UNC93B1: variants seen among roughly 807,000 people sequenced by gnomAD.
UNC93B1 encodes the protein protein unc-93 homolog B1.
In UNC93B1, 33 loss-of-function variants were observed where a neutral mutation model predicts 56.8. That is an observed-to-expected ratio of 0.58 (90% confidence interval 0.44 to 0.78). The LOEUF (loss-of-function observed/expected upper bound fraction) is 0.78, where lower values mean the gene tolerates loss of function less well. Among genes scored for constraint, UNC93B1 ranks in the 30% least tolerant of loss-of-function variants. The pLI is 0.00. For synonymous variants in UNC93B1, 334 were observed against 358.6 expected (o/e 0.93, Z 0.77); for missense variants, 673 against 819.5 (o/e 0.82, Z 2.18).
At chr11:68,000,824 G>A (rs551037794) in intron 3 of UNC93B1, among the ~76,000 whole-genome samples, 2 of 152,300 alleles carry the variant, frequency 1.3e-5, no homozygotes, top group African/African-American at 4.8e-5. Context: ...TGGGCAAGTT[G>A]TTTAACACCA....
At chr11:68,000,444 C>A (rs1379229848) in intron 3 of UNC93B1, among the ~76,000 whole-genome samples, 1 of 152,128 alleles carries the variant, frequency 6.6e-6, no homozygotes, top group Non-Finnish European at 1.5e-5. Context: ...GTGGGCAGAT[C>A]ACCTGAGGTC....
In UNC93B1 at chr11:67,995,784, A is replaced by G. The variant is rs771940031; in HGVS notation, c.1190T>C (p.Leu397Pro). The change falls in exon 9 of 11, where the codon CTG (leucine) becomes CCG (proline). Residue 397 changes from leucine (L) to proline (P), a missense_variant. Leu to Pro is a moderately conservative substitution (Grantham distance 98). Coordinates refer to ENST00000227471, the MANE Select transcript of UNC93B1 (RefSeq NM_030930.4). ...CAGGGGCACCGGGCGTGGCAGCCAC[A>G]GGCCCAGCAGGCCCAGGAGTGAGGC... ...SAASLLGLLG[L>P]WLPRPVPLVA... is the part of the protein sequence containing the mutation. 1 of 1,547,700 alleles carries G rather than the reference A, an allele frequency of 6.5e-7. No individual in the cohort carries two copies.
At position 68,003,809 on chromosome 11, in the gene UNC93B1, C is replaced by G; in HGVS notation, c.97-11G>C. On this transcript the variant is annotated splice_polypyrimidine_tract_variant and intron_variant, in intron 1 of 10. Transcript: ENST00000227471. The surrounding 1 kb of genome is among the most constrained non-coding windows in gnomAD (Gnocchi z 4.4). ...CACCAGCTCGTCCAGCTGCGAGCCACGCACGCCGCTCGCACCCGCGATCGC... is the reference window on the plus strand; with the variant it reads ...CACCAGCTCGTCCAGCTGCGAGCCAGGCACGCCGCTCGCACCCGCGATCGC... The G allele has an allele frequency of 6.8e-7, 1 of 1,468,046 alleles. No individual in the cohort carries two copies. Among genetic ancestry groups the G allele is most frequent in the East Asian group, 2.9e-5 (1 of 34,188 alleles). 90.9% of individuals were successfully genotyped at this position (1,468,046 alleles called of 1,614,324 possible).
chr11:68,003,337 C>A lies in UNC93B1; in HGVS notation c.239-162G>T. On this transcript the variant is annotated intron_variant, in intron 2 of 10. Coordinates refer to ENST00000227471, the MANE Select transcript of UNC93B1 (RefSeq NM_030930.4). The surrounding 1 kb of genome is among the most constrained non-coding windows in gnomAD (Gnocchi z 4.4). ...GGGTTCCCGGGCTGCGCCACGCCTT[C>A]TGCCAGCCCGCGGCCACTTGGCCAG... The A allele has an allele frequency of 3.0e-6, 3 of 1,007,282 alleles. No homozygotes were observed. The highest frequency in any genetic ancestry group is 4.2e-6 in the Non-Finnish European group (3 of 722,048). The allele number at this position is 1,007,282 out of a possible 1,614,324, so 62.4% of individuals were successfully genotyped here.
Position 68,003,820 on chromosome 11 carries a change from C to A in UNC93B1, c.97-22G>T. ...CCAGCTGCGAGCCACGCACGCCGCTCGCACCCGCGATCGCGCCCCGAACCC... is the reference window on the plus strand; with the variant it reads ...CCAGCTGCGAGCCACGCACGCCGCTAGCACCCGCGATCGCGCCCCGAACCC... On this transcript the variant is annotated intron_variant, in intron 1 of 10. Coordinates refer to ENST00000227471, the MANE Select transcript of UNC93B1 (RefSeq NM_030930.4). This position sits in a 1 kb window ranked among gnomAD's most constrained non-coding sequence, Gnocchi z 4.4. 1 of 1,456,716 alleles carries A rather than the reference C, an allele frequency of 6.9e-7. No individual in the cohort carries two copies. The highest frequency in any genetic ancestry group is 9.0e-7 in the Non-Finnish European group (1 of 1,107,708). 90.2% of individuals were successfully genotyped at this position (1,456,716 alleles called of 1,614,324 possible). A position where few individuals can be genotyped will look rare whatever the true frequency, so the allele number is the denominator to read the frequency against.
chr11:67,992,666 CTT>C (rs760102898), intron 10 of UNC93B1, among the ~76,000 whole-genome samples: 5 of 118,226 alleles, frequency 4.2e-5, no homozygotes, highest in Non-Finnish European at 5.3e-5. Flanking sequence ...TTTTTTTTTC[CTT>C]TTTTTTTTTT....
At position 67,995,589 on chromosome 11, in the gene UNC93B1, C is replaced by CA. The variant is rs768316139; in HGVS notation, c.1363+21dup. ...GCCCCCTGCCCCGCCCCCCCCCCCCCAGTGCCCACAGCTATACTCACTGCT... is the reference window on the plus strand; with the variant it reads ...GCCCCCTGCCCCGCCCCCCCCCCCCCAAGTGCCCACAGCTATACTCACTGCT... On this transcript the variant is annotated intron_variant, in intron 9 of 10. Coordinates refer to ENST00000227471, the MANE Select transcript of UNC93B1 (RefSeq NM_030930.4). The CA allele has an allele frequency of 2.8e-3, 1,613 of 581,924 alleles. 103 individuals are homozygous for CA. The highest frequency in any genetic ancestry group is 0.016 in the African/African-American group (473 of 29,772). 36.0% of individuals were successfully genotyped at this position (581,924 alleles called of 1,614,324 possible).
At chr11:67,999,778 C>T (rs1857015908) in intron 3 of UNC93B1, 98 bp from the exon 4 acceptor site, 1 of 1,471,320 alleles carries the variant, frequency 6.8e-7, no homozygotes, top group East Asian at 2.5e-5. Context: ...GCTCACAGGG[C>T]TTTGTGAGGT....
Position 67,991,751 on chromosome 11 carries a change from G to C in UNC93B1, c.1589C>G (p.Pro530Arg), listed in dbSNP as rs1305624822. The change falls in exon 11 of 11, where the codon CCG (proline) becomes CGG (arginine). Residue 530 changes from proline (P) to arginine (R), a missense_variant. Physicochemically the swap from Pro to Arg is moderately radical, Grantham distance 103 (BLOSUM62 -2). Coordinates refer to ENST00000227471, the MANE Select transcript of UNC93B1 (RefSeq NM_030930.4). The part of the protein sequence containing the change: ...RGVAPRQPRI[P>R]RPQHKVRGYR... ...ACCGCGCACCTTGTGCTGGGGCCGC[G>C]GGATGCGGGGCTGGCGCGGGGCCAC... is the stretch of plus-strand genomic sequence containing the variant. 5 of 1,539,778 alleles carry C rather than the reference G, an allele frequency of 3.2e-6. No individual in the cohort carries two copies. Among genetic ancestry groups the C allele is most frequent in the African/African-American group, 2.7e-5 (2 of 73,058 alleles).
chr11:68,003,865 G>A lies in UNC93B1; in HGVS notation c.97-67C>T. The A allele has an allele frequency of 3.1e-6, 4 of 1,296,632 alleles. No individual in the cohort carries two copies. Among genetic ancestry groups the A allele is most frequent in the South Asian group, 2.3e-5 (1 of 43,324 alleles). 80.3% of individuals were successfully genotyped at this position (1,296,632 alleles called of 1,614,324 possible). A position where few individuals can be genotyped will look rare whatever the true frequency, so the allele number is the denominator to read the frequency against. Reference sequence around the variant, plus strand: ...GAACCCGTGTCCCCCGGTGCCCGCCGCCCCCCGGCCCGCCCCGCCCCCGCC... The same window carrying A: ...GAACCCGTGTCCCCCGGTGCCCGCCACCCCCCGGCCCGCCCCGCCCCCGCC... On this transcript the variant is annotated intron_variant, in intron 1 of 10. Coordinates refer to ENST00000227471, the MANE Select transcript of UNC93B1 (RefSeq NM_030930.4). This position sits in a 1 kb window ranked among gnomAD's most constrained non-coding sequence, Gnocchi z 4.4.
rs1442000007 is a variant in UNC93B1, at chr11:67,996,768, C to G, written c.923G>C (p.Gly308Ala). 2 of 1,558,858 alleles carry G rather than the reference C, an allele frequency of 1.3e-6. No homozygotes were observed. Among genetic ancestry groups the G allele is most frequent in the Non-Finnish European group, 1.7e-6 (2 of 1,150,172 alleles). The change falls in exon 8 of 11, where the codon GGA becomes GCA. Residue 308 changes from glycine to alanine, a missense_variant. By Grantham distance (60) the Gly-to-Ala change is moderately conservative. This residue lies in a region of UNC93B1 where 438 missense variants were observed against 465.9 expected (regional missense o/e 0.94). Coordinates refer to ENST00000227471, the MANE Select transcript of UNC93B1 (RefSeq NM_030930.4). Reference protein sequence around the residue: ...LAMLLVLGLCGAAYRPTEEID... With the variant: ...LAMLLVLGLCAAAYRPTEEID... ...CTCCTCCGTGGGCCGGTAAGCGGCT[C>G]CGCACAAACCCAGCACCTGCGAACC...
At chr11:67,993,422 A>G (rs893786133) in intron 10 of UNC93B1, among the ~76,000 whole-genome samples, 5 of 152,252 alleles carry the variant, frequency 3.3e-5, no homozygotes, top group African/African-American at 9.6e-5. Flanking sequence ...CTGGAGAACA[A>G]GGTACCAAAC....
chr11:67,995,104 G>T (rs11603466), intron 9 of UNC93B1, among the ~76,000 whole-genome samples: 1 of 152,112 alleles, frequency 6.6e-6, no homozygotes, highest in Non-Finnish European at 1.5e-5. Context: ...TGTACAACAG[G>T]CCACTTGCTC....
chr11:68,003,826 C>A lies in UNC93B1; in HGVS notation c.97-28G>T. 1 of 1,451,612 alleles carries A rather than the reference C, an allele frequency of 6.9e-7. No homozygotes were observed. Among genetic ancestry groups the A allele is most frequent in the Non-Finnish European group, 9.1e-7 (1 of 1,104,744 alleles). 89.9% of individuals were successfully genotyped at this position (1,451,612 alleles called of 1,614,324 possible). ...GCGAGCCACGCACGCCGCTCGCACC[C>A]GCGATCGCGCCCCGAACCCGTGTCC... On this transcript the variant is annotated intron_variant, in intron 1 of 10. Coordinates refer to ENST00000227471, the MANE Select transcript of UNC93B1 (RefSeq NM_030930.4). This position sits in a 1 kb window ranked among gnomAD's most constrained non-coding sequence, Gnocchi z 4.4.
chr11:67,997,554 C>T, intron 7 of UNC93B1, 121 bp downstream of exon 7: 1 of 1,523,106 alleles, frequency 6.6e-7, no homozygotes, highest in Non-Finnish European at 8.8e-7. Context: ...GGCCTACGGC[C>T]TGCCCCGAGG....
intron 5 of UNC93B1, among the ~76,000 whole-genome samples, chr11:67,998,914 AAAAG>A (rs921667286): frequency 5.3e-5 from 8 of 152,098 alleles, no homozygotes; most frequent in African/African-American, 9.7e-5. Flanking sequence ...CACCAAAAAA[AAAAG>A]AAAGAAAGAA....
In UNC93B1 at chr11:67,991,482, A is replaced by T; in HGVS notation, c.*64T>A. On this transcript the variant is annotated 3_prime_UTR_variant, in exon 11 of 11. Coordinates refer to ENST00000227471, the MANE Select transcript of UNC93B1 (RefSeq NM_030930.4). ...GCGGGACTCGGAGGGGGTCCCCCCG[A>T]CCTCAGACGTGGTAAACTGAGGCCG... 1.5e-6 allele frequency: 2 copies of T among 1,350,126 alleles called. No individual in the cohort carries two copies. The highest frequency in any genetic ancestry group is 2.7e-4 in the Middle Eastern group (1 of 3,646). 83.6% of individuals were successfully genotyped at this position (1,350,126 alleles called of 1,614,324 possible).
rs956671915 is a variant in UNC93B1, at chr11:67,995,809, C to T, written c.1165G>A (p.Ala389Thr). Reference protein sequence around the residue: ...LVAYSLGASAASLLGLLGLWL... With the variant: ...LVAYSLGASATSLLGLLGLWL... Reference sequence around the variant, plus strand: ...AGGCCCAGCAGGCCCAGGAGTGAGGCGGCTGAGGCGCCCAGGCTGTAAGCC... The same window carrying T: ...AGGCCCAGCAGGCCCAGGAGTGAGGTGGCTGAGGCGCCCAGGCTGTAAGCC... Residue 389 changes from alanine (A) to threonine (T), a missense_variant, in exon 9 of 11, where the codon GCC becomes ACC. Ala to Thr is a moderately conservative substitution (Grantham distance 58, BLOSUM62 0). Transcript: ENST00000227471. 3.9e-5 allele frequency: 60 copies of T among 1,546,468 alleles called. No individual in the cohort carries two copies. Among genetic ancestry groups the T allele is most frequent in the Non-Finnish European group, 5.1e-5 (58 of 1,146,216 alleles).
intron 3 of UNC93B1, among the ~76,000 whole-genome samples, chr11:68,002,623 A>G (rs1431036798): frequency 6.6e-6 from 1 of 152,138 alleles, no homozygotes; most frequent in Admixed American, 6.5e-5. Context: ...CCTCAGCACC[A>G]GTCACAGCGA....
Sources: allele counts gnomAD v4.1 joint callset (sites outside exome capture counted in the v4.1 genomes callset), GRCh38; gene constraint gnomAD v4.1.1; regional missense constraint gnomAD v4.1.1; non-coding constraint Gnocchi (gnomAD v3.1); transcripts MANE v1.5; gene names NCBI Gene and HGNC (gene_info 2026-07-23, HGNC 2026-07-21).